ST8SIA6: variants seen among roughly 807,000 people sequenced by gnomAD.
The protein encoded by ST8SIA6 is ST8 alpha-N-acetyl-neuraminide alpha-2,8-sialyltransferase 6.
ST8SIA6 carries 39 observed loss-of-function variants against 33.6 expected under a neutral mutation model. That is an observed-to-expected ratio of 1.16 (90% CI 0.90 to 1.52). ST8SIA6 has a LOEUF of 1.52. Among genes scored for constraint, ST8SIA6 ranks in the 40% most tolerant of loss-of-function variants. ST8SIA6 has a pLI of 0.00. For missense variants in ST8SIA6, 441 were observed against 443.8 expected (o/e 0.99, Z 0.06); for synonymous variants, 172 against 167.2 (o/e 1.03, Z -0.22).
chr10:17,368,813 C>G (rs539524188), intron 3 of ST8SIA6, among the ~76,000 whole-genome samples: 150 of 152,126 alleles, frequency 9.9e-4, no homozygotes, highest in African/African-American at 3.3e-3. Context: ...TTGAGGGACA[C>G]GAAATGATGT....
chr10:17,401,507 A>C (rs187297435), intron 2 of ST8SIA6, among the ~76,000 whole-genome samples: 55 of 152,354 alleles, frequency 3.6e-4, no homozygotes, highest in South Asian at 4.1e-4. Context: ...AGCTGGAAGC[A>C]TCACGCTACC....
At chr10:17,379,964 T>C (rs1474961359) in intron 3 of ST8SIA6, among the ~76,000 whole-genome samples, 1 of 152,206 alleles carries the variant, frequency 6.6e-6, no homozygotes, top group African/African-American at 2.4e-5. Context: ...AGTACCAGCA[T>C]GAGCTAACTT....
At chr10:17,355,487 C>T (rs149926545) in intron 4 of ST8SIA6, among the ~76,000 whole-genome samples, 3 of 152,274 alleles carry the variant, frequency 2.0e-5, no homozygotes, top group Non-Finnish European at 4.4e-5. Context: ...CAAGATAATG[C>T]CATGTCCCCA....
intron 3 of ST8SIA6, among the ~76,000 whole-genome samples, chr10:17,361,345 A>T (rs1265806659): frequency 6.6e-6 from 1 of 152,232 alleles, no homozygotes; most frequent in East Asian, 1.9e-4. Context: ...AAGAATCCTT[A>T]AAACATTAAA....
At chr10:17,428,264 C>T (rs779587575) in intron 2 of ST8SIA6, among the ~76,000 whole-genome samples, 1 of 152,152 alleles carries the variant, frequency 6.6e-6, no homozygotes, top group Non-Finnish European at 1.5e-5. Context: ...CCGCCATCGG[C>T]CCTTCCCCTC....
intron 3 of ST8SIA6, among the ~76,000 whole-genome samples, chr10:17,388,343 T>C (rs17140969): frequency 0.017 from 2,615 of 152,166 alleles, 75 homozygotes; most frequent in African/African-American, 0.059. Context: ...TAAGCAAATA[T>C]CGTTAGTCTA....
chr10:17,415,974 A>AT (rs1210364170), intron 2 of ST8SIA6, among the ~76,000 whole-genome samples: 2 of 151,438 alleles, frequency 1.3e-5, no homozygotes, highest in African/African-American at 4.8e-5. Context: ...TGCTCAGCTA[A>AT]TTTTTTTATT....
chr10:17,415,008 C>T (rs1221481434), intron 2 of ST8SIA6, among the ~76,000 whole-genome samples: 1 of 152,088 alleles, frequency 6.6e-6, no homozygotes, highest in South Asian at 2.1e-4. Context: ...CTCATCTCTT[C>T]CTTCTCTTAC....
intron 2 of ST8SIA6, among the ~76,000 whole-genome samples, chr10:17,404,786 C>A (rs1433995772): frequency 2.0e-5 from 3 of 152,188 alleles, no homozygotes; most frequent in Non-Finnish European, 4.4e-5. Context: ...CTACTGCAAA[C>A]CTCATTGCAG....
At chr10:17,408,574 C>T (rs1457545906) in intron 2 of ST8SIA6, among the ~76,000 whole-genome samples, 8 of 151,566 alleles carry the variant, frequency 5.3e-5, no homozygotes, top group Admixed American at 2.0e-4. Context: ...AGAGGAGAAT[C>T]GCTTGAACCC....
chr10:17,443,734 A>T (rs566319777), intron 2 of ST8SIA6, among the ~76,000 whole-genome samples: 2 of 152,298 alleles, frequency 1.3e-5, no homozygotes, highest in South Asian at 4.1e-4. Flanking sequence ...TAAACTCCTA[A>T]GTGTATGTAG....
At chr10:17,387,814 G>T (rs1850437569) in intron 3 of ST8SIA6, among the ~76,000 whole-genome samples, 1 of 152,210 alleles carries the variant, frequency 6.6e-6, no homozygotes, top group Admixed American at 6.5e-5. Flanking sequence ...GGATAGAATA[G>T]ACTATGATAT....
chr10:17,403,131 CAG>C (rs1459374189), intron 2 of ST8SIA6, among the ~76,000 whole-genome samples: 1 of 152,188 alleles, frequency 6.6e-6, no homozygotes, highest in East Asian at 1.9e-4. Context: ...TTACCCCAAA[CAG>C]GGAAACAGAT....
At chr10:17,400,642 C>A (rs557364611) in intron 2 of ST8SIA6, among the ~76,000 whole-genome samples, 13 of 152,168 alleles carry the variant, frequency 8.5e-5, no homozygotes, top group African/African-American at 1.2e-4. Flanking sequence ...AATCACTAAA[C>A]GTAATCCAGC....
Position 17,320,804 on chromosome 10 carries a change from C to CCT in ST8SIA6, c.*72_*73dup, listed in dbSNP as rs1847916484. 1.3e-6 allele frequency: 2 copies of CCT among 1,499,766 alleles called. No individual in the cohort carries two copies. The highest frequency in any genetic ancestry group is 1.8e-6 in the Non-Finnish European group (2 of 1,094,908). 92.9% of individuals were successfully genotyped at this position (1,499,766 alleles called of 1,614,324 possible). On this transcript the variant is annotated 3_prime_UTR_variant, in exon 8 of 8. Coordinates refer to ENST00000377602, the MANE Select transcript of ST8SIA6 (RefSeq NM_001004470.3). ...ATCTCAAAATACTCTTTAGCCACCTCCTTTGGTGTTTGGAGACATTGTTAA... is the reference window on the plus strand; with the variant it reads ...ATCTCAAAATACTCTTTAGCCACCTCCTCTTTGGTGTTTGGAGACATTGTTAA...
intron 4 of ST8SIA6, among the ~76,000 whole-genome samples, chr10:17,332,382 A>G (rs985909637): frequency 2.6e-5 from 4 of 152,206 alleles, no homozygotes; most frequent in African/African-American, 9.6e-5. Context: ...GTCTTCCACA[A>G]TGGTTGAACT....
chr10:17,423,104 A>G (rs1456692306), intron 2 of ST8SIA6, among the ~76,000 whole-genome samples: 1 of 152,204 alleles, frequency 6.6e-6, no homozygotes, highest in East Asian at 1.9e-4. Flanking sequence ...GCTTGGTAAC[A>G]AAAAATATGG....
chr10:17,431,197 C>A (rs966920356), intron 2 of ST8SIA6, among the ~76,000 whole-genome samples: 1 of 151,974 alleles, frequency 6.6e-6, no homozygotes, highest in Non-Finnish European at 1.5e-5. Flanking sequence ...CACCTTTGGC[C>A]GACATGAGGA....
At chr10:17,375,060 C>T (rs943685059) in intron 3 of ST8SIA6, among the ~76,000 whole-genome samples, 10 of 151,856 alleles carry the variant, frequency 6.6e-5, no homozygotes, top group African/African-American at 9.7e-5. Context: ...CCTTAGCCTC[C>T]GAAAGCAATG....
Sources: allele counts gnomAD v4.1 joint callset (sites outside exome capture counted in the v4.1 genomes callset), GRCh38; gene constraint gnomAD v4.1.1; transcripts MANE v1.5; gene names NCBI Gene and HGNC (gene_info 2026-07-23, HGNC 2026-07-21).